The following CFAP251 variants were observed in gnomAD, a reference collection of about 807,000 sequenced individuals.
The protein encoded by CFAP251 is cilia- and flagella-associated protein 251.
A neutral mutation model predicts 126.7 loss-of-function variants in CFAP251; 93 were observed. The ratio of observed to expected loss-of-function variants is 0.73; its 90% confidence interval spans 0.62 to 0.87. The LOEUF is 0.87. Among genes scored for constraint, CFAP251 ranks in the 40% least tolerant of loss-of-function variants. The pLI is 0.00. For synonymous variants in CFAP251, 503 were observed against 506.9 expected, an observed-to-expected ratio of 0.99 and a Z score of 0.10; for missense variants, 1,287 against 1,389.2, an observed-to-expected ratio of 0.93 and a Z score of 1.17.
chr12:121,963,197 A>C (rs1882005996), intron 15 of CFAP251, among the ~76,000 whole-genome samples: 1 of 152,158 alleles, frequency 6.6e-6, no homozygotes, highest in Non-Finnish European at 1.5e-5. Context: ...GGCAGAAAAG[A>C]GGGGTCAGAT....
intron 3 of CFAP251, among the ~76,000 whole-genome samples, chr12:121,928,704 A>ATT (rs60425515): frequency 0.027 from 1,615 of 60,328 alleles, 80 homozygotes; most frequent in East Asian, 0.12. Context: ...ATATATATAT[A>ATT]TTTTTTTTTT....
chr12:122,002,902 A>C (rs1883180166), intron 21 of CFAP251, among the ~76,000 whole-genome samples: 1 of 152,078 alleles, frequency 6.6e-6, no homozygotes, highest in Non-Finnish European at 1.5e-5. Context: ...TCCATTCCCC[A>C]CATCAAATTA....
At chr12:121,986,296 ATTT>A (rs894295977) in intron 19 of CFAP251, among the ~76,000 whole-genome samples, 1 of 123,506 alleles carries the variant, frequency 8.1e-6, no homozygotes, top group Non-Finnish European at 1.7e-5. Context: ...CTGGCCACGA[ATTT>A]TTTTTTTTTT....
At chr12:121,994,829 G>A (rs1179934666) in intron 19 of CFAP251, among the ~76,000 whole-genome samples, 10 of 129,524 alleles carry the variant, frequency 7.7e-5, no homozygotes, top group African/African-American at 2.7e-4. Context: ...GCGGAAGGCC[G>A]CAGGGTCCTC....
chr12:121,958,144 A>C (rs1172109622), intron 11 of CFAP251, 128 bp from the exon 12 acceptor site: 3 of 1,374,418 alleles, frequency 2.2e-6, no homozygotes, highest in Non-Finnish European at 3.0e-6. Context: ...ATTTTTGGAA[A>C]TGTTGGGTTA....
intron 4 of CFAP251, chr12:121,933,776 G>T (rs1454390078): frequency 6.5e-6 from 1 of 153,448 alleles, no homozygotes; most frequent in African/African-American, 2.4e-5. Context: ...CCAAGATTGT[G>T]TTGATGCACT....
chr12:121,921,342 G>A lies in CFAP251; in HGVS notation c.37G>A (p.Gly13Arg). ...DAAEAPREAT[G>R]ENGETEMKEE... ...AGCAGAAGCTCCCCGAGAAGCAACA[G>A]GAGAAAATGGAGAAACAGAAATGAA... The change falls in exon 2 of 22, where the codon GGA (glycine) becomes AGA (arginine). Residue 13 changes from glycine (G) to arginine (R), a missense_variant. Transcript: ENST00000288912. 1 of 1,605,514 alleles carries A rather than the reference G, an allele frequency of 6.2e-7. No individual in the cohort carries two copies. The highest frequency in any genetic ancestry group is 1.1e-5 in the South Asian group (1 of 89,820).
At chr12:121,921,220 A>AGTGCACTAACCTACTGATGAAAT in intron 1 of CFAP251, 66 bp from the exon 2 acceptor site, 1 of 1,083,130 alleles carries the variant, frequency 9.2e-7, no homozygotes, top group Non-Finnish European at 1.3e-6. Context: ...TCAGTAGGTT[A>AGTGCACTAACCTACTGATGAAAT]GTGCACTAGG....
rs775721135 is a variant in CFAP251, at chr12:121,960,649, A to G, written c.2198A>G (p.Tyr733Cys). ...AGAAATGGACAGAGGGTCTGGGAGT[A>G]CTTAGCAAGACTTCGCTCTCATCGC... ...VVRNGQRVWE[Y>C]LARLRSHRKS... is the part of the protein sequence containing the mutation. Residue 733 changes from tyrosine to cysteine, a missense_variant, in exon 14 of 22, where the codon TAC becomes TGC. Tyr to Cys is a radical substitution (Grantham distance 194, BLOSUM62 -2). Coordinates refer to ENST00000288912, the MANE Select transcript of CFAP251 (RefSeq NM_144668.6). The G allele has an allele frequency of 1.2e-6, 2 of 1,614,080 alleles. No individual in the cohort carries two copies.
At chr12:121,983,201 A>T (rs1343548495) in intron 19 of CFAP251, among the ~76,000 whole-genome samples, 1 of 151,932 alleles carries the variant, frequency 6.6e-6, no homozygotes, top group Non-Finnish European at 1.5e-5. Context: ...GTGCCATTGC[A>T]CTCCAGACTG....
intron 17 of CFAP251, chr12:121,970,055 T>C (rs1472471391): frequency 1.5e-6 from 1 of 672,970 alleles, no homozygotes; most frequent in East Asian, 1.3e-4. Context: ...CAGAATTTCC[T>C]ACTAGAGTTA....
Position 121,978,342 on chromosome 12 carries a change from C to T in CFAP251, c.3006+2657C>T, listed in dbSNP as rs771713675. Among the ~76,000 whole-genome samples the T allele has an allele frequency of 6.3e-5, 8 of 127,576 alleles. No individual in the cohort carries two copies. In the South Asian group the frequency reaches 7.4e-4, roughly 12 times the overall value. The allele number at this position is 127,576 out of a possible 152,430, so 83.7% of individuals were successfully genotyped here. On this transcript the variant is annotated intron_variant, in intron 19 of 21. Transcript: ENST00000288912. Reference sequence around the variant, plus strand: ...CCGGGAGGCGGAGCTTACAGTGAGCCGAGATCGTGCCACTGCACTCCAGCC... The same window carrying T: ...CCGGGAGGCGGAGCTTACAGTGAGCTGAGATCGTGCCACTGCACTCCAGCC...
At chr12:121,922,487 G>C (rs1880227003) in intron 2 of CFAP251, among the ~76,000 whole-genome samples, 1 of 152,112 alleles carries the variant, frequency 6.6e-6, no homozygotes. Flanking sequence ...ATGAAACAGG[G>C]CCTCTTAACT....
intron 4 of CFAP251, chr12:121,932,156 T>C (rs1015452797): frequency 2.9e-5 from 7 of 240,760 alleles, no homozygotes; most frequent in Admixed American, 2.3e-4. Context: ...TGCAAAAATG[T>C]GGACAGCGTA....
chr12:121,981,823 TG>T (rs1882630523), intron 19 of CFAP251, among the ~76,000 whole-genome samples: 1 of 152,230 alleles, frequency 6.6e-6, no homozygotes, highest in African/African-American at 2.4e-5. Flanking sequence ...GAATCCTGAC[TG>T]TGACCACGTG....
intron 5 of CFAP251, among the ~76,000 whole-genome samples, chr12:121,941,057 G>A (rs1881091788): frequency 2.6e-5 from 4 of 151,450 alleles, no homozygotes; most frequent in Non-Finnish European, 5.9e-5. Flanking sequence ...TTGAGATGGA[G>A]TTTCACTTTT....
At chr12:121,972,514 G>A (rs905680754) in intron 17 of CFAP251, among the ~76,000 whole-genome samples, 1 of 149,816 alleles carries the variant, frequency 6.7e-6, no homozygotes, top group Non-Finnish European at 1.5e-5. Context: ...TTGAGATGGA[G>A]TCTCACTCTT....
At chr12:121,951,405 G>GC (rs1881519892) in intron 8 of CFAP251, 75 bp from the exon 9 acceptor site, 9 of 1,037,258 alleles carry the variant, frequency 8.7e-6, no homozygotes, top group African/African-American at 1.6e-5. Context: ...TATTTGTTTT[G>GC]CTTTTATTAT....
chr12:121,957,311 G>T (rs1881759520), intron 11 of CFAP251, 43 bp downstream of exon 11: 2 of 1,555,970 alleles, frequency 1.3e-6, no homozygotes, highest in South Asian at 2.4e-5. Context: ...GTTGAAAAAT[G>T]ATCACTGTCT....
Sources: gnomAD v4.1 joint callset for allele counts (sites outside exome capture counted in the v4.1 genomes callset) on GRCh38, gnomAD v4.1.1 for gene constraint, MANE v1.5 for transcripts, NCBI Gene and HGNC (gene_info 2026-07-23, HGNC 2026-07-21) for gene names.